AHCTF1: variants seen among roughly 807,000 people sequenced by gnomAD.
AHCTF1 encodes the protein protein ELYS.
AHCTF1 carries 24 observed loss-of-function variants against 248.4 expected under a neutral mutation model. The observed-to-expected ratio is 0.10, with a 90% confidence interval of 0.07 to 0.14. AHCTF1 has a LOEUF of 0.14. Among genes scored for constraint, AHCTF1 ranks in the 10% least tolerant of loss-of-function variants. The pLI, the probability that AHCTF1 is intolerant of heterozygous loss-of-function variation, is 1.00. For missense variants in AHCTF1, 2,206 were observed against 2,636.2 expected, an observed-to-expected ratio of 0.84 and a Z score of 3.57; for synonymous variants, 786 against 929.8, an observed-to-expected ratio of 0.85 and a Z score of 2.81.
At chr1:246,900,992 GAAGA>G (rs548594824) in intron 8 of AHCTF1, among the ~76,000 whole-genome samples, 2 of 152,118 alleles carry the variant, frequency 1.3e-5, no homozygotes, top group Non-Finnish European at 2.9e-5. Context: ...AACAGGAGAA[GAAGA>G]AAGTAAAAAT....
intron 4 of AHCTF1, among the ~76,000 whole-genome samples, chr1:246,909,705 G>GA (rs1195341715): frequency 1.3e-5 from 2 of 152,124 alleles, no homozygotes; most frequent in African/African-American, 4.8e-5. Flanking sequence ...ATTTAATAAG[G>GA]AAAAATCATA....
chr1:246,878,395 T>TC (rs1663137836), intron 21 of AHCTF1, among the ~76,000 whole-genome samples: 3 of 10,478 alleles, frequency 2.9e-4, no homozygotes, highest in Non-Finnish European at 4.7e-4. Flanking sequence ...AGATTCTGTC[T>TC]CAAAAAAAAA....
chr1:246,840,958 C>T lies in AHCTF1; in HGVS notation c.6649G>A (p.Glu2217Lys). 6.2e-7 allele frequency: 1 copy of T among 1,611,548 alleles called. No homozygotes were observed. Among genetic ancestry groups the T allele is most frequent in the Middle Eastern group, 1.7e-4 (1 of 6,056 alleles). Residue 2217 changes from glutamate to lysine, a missense_variant, in exon 36 of 36, where the codon GAA becomes AAA. By Grantham distance (56) the Glu-to-Lys change is moderately conservative. Coordinates refer to ENST00000648844, the MANE Select transcript of AHCTF1 (RefSeq NM_001323342.2). ...KESAWSPPPIEIRLISPLASP... is the reference protein window; with the variant it reads ...KESAWSPPPIKIRLISPLASP... ...GCCAAGGGGGAAATCAGCCGAATTTCTATGGGAGGAGGTGACCAAGCACTT... is the reference window on the plus strand; with the variant it reads ...GCCAAGGGGGAAATCAGCCGAATTTTTATGGGAGGAGGTGACCAAGCACTT...
chr1:246,891,809 C>G lies in AHCTF1; in HGVS notation c.1915G>C (p.Ala639Pro). 6.2e-7 allele frequency: 1 copy of G among 1,611,766 alleles called. No individual in the cohort carries two copies. The highest frequency in any genetic ancestry group is 8.5e-7 in the Non-Finnish European group (1 of 1,179,338). ...TCAGTGATCTCTCGGGCTTCTGATG[C>G]AAAACAGCTCAAGACTATATTAAGA... ...SNLNIVLSCFASEAREITERG... is the reference protein window; with the variant it reads ...SNLNIVLSCFPSEAREITERG... Residue 639 changes from alanine (A) to proline (P), a missense_variant, in exon 15 of 36, where the codon GCA (alanine) becomes CCA (proline). Physicochemically the swap from Ala to Pro is conservative, Grantham distance 27 (BLOSUM62 -1). Transcript: ENST00000648844.
chr1:246,912,826 A>T (rs750941605), intron 4 of AHCTF1, among the ~76,000 whole-genome samples: 1 of 152,186 alleles, frequency 6.6e-6, no homozygotes, highest in South Asian at 2.1e-4. Flanking sequence ...CATAAACAAT[A>T]TGCCAAGAAC....
Position 246,891,789 on chromosome 1 carries a change from G to C in AHCTF1, c.1935C>G (p.Ile645Met), listed in dbSNP as rs1239551722. 1.2e-5 allele frequency: 20 copies of C among 1,610,284 alleles called. No individual in the cohort carries two copies. Among genetic ancestry groups the C allele is most frequent in the Non-Finnish European group, 1.6e-5 (19 of 1,179,078 alleles). ...LSCFASEARE[I>M]TERGLIDLSN... ...AAACAAAGAGCGTACCTCTCTCAGT[G>C]ATCTCTCGGGCTTCTGATGCAAAAC... is the stretch of plus-strand genomic sequence containing the variant. Residue 645 changes from isoleucine (I) to methionine (M), a missense_variant, in exon 15 of 36, where the codon ATC (isoleucine) becomes ATG (methionine). Physicochemically the swap from Ile to Met is conservative, Grantham distance 10 (BLOSUM62 1). Coordinates refer to ENST00000648844, the MANE Select transcript of AHCTF1 (RefSeq NM_001323342.2).
At chr1:246,861,660 C>A (rs1460486111) in intron 28 of AHCTF1, among the ~76,000 whole-genome samples, 2 of 152,100 alleles carry the variant, frequency 1.3e-5, no homozygotes, top group East Asian at 1.9e-4. Flanking sequence ...AAAAGAAGGA[C>A]TAAAAATTAG....
chr1:246,866,603 C>G (rs1661998909), intron 26 of AHCTF1, among the ~76,000 whole-genome samples: 1 of 151,876 alleles, frequency 6.6e-6, no homozygotes, highest in South Asian at 2.1e-4. Flanking sequence ...TATTTATAAT[C>G]ATTATAAATA....
intron 24 of AHCTF1, among the ~76,000 whole-genome samples, chr1:246,872,191 C>A (rs1216448807): frequency 6.6e-6 from 1 of 151,906 alleles, no homozygotes; most frequent in African/African-American, 2.4e-5. Context: ...GATACCTGAT[C>A]TAAAAGATAA....
chr1:246,889,474 AC>A (rs1664063323), intron 17 of AHCTF1, among the ~76,000 whole-genome samples: 1 of 152,230 alleles, frequency 6.6e-6, no homozygotes, highest in Non-Finnish European at 1.5e-5. Flanking sequence ...TTAGGAAATA[AC>A]AGATCTAGAA....
Position 246,898,215 on chromosome 1 carries a change from A to G in AHCTF1, c.1616T>C (p.Leu539Ser). Residue 539 changes from leucine (L) to serine (S), a missense_variant, in exon 12 of 36, where the codon TTA (leucine) becomes TCA (serine). Leu to Ser is a moderately radical substitution (Grantham distance 145). Transcript: ENST00000648844. ...AGTTAAAAATCATCTCACTTGGCTTAAACTGGAAGGCTGAACATCAACAAA... is the reference window on the plus strand; with the variant it reads ...AGTTAAAAATCATCTCACTTGGCTTGAACTGGAAGGCTGAACATCAACAAA... Reference protein sequence around the residue: ...PRFVDVQPSSLSQEEQLEAIL... With the variant: ...PRFVDVQPSSSSQEEQLEAIL... The G allele has an allele frequency of 2.5e-6, 4 of 1,612,168 alleles. No homozygotes were observed. The highest frequency in any genetic ancestry group is 3.4e-6 in the Non-Finnish European group (4 of 1,179,948).
chr1:246,876,276 A>C (rs1367915129), intron 23 of AHCTF1, 89 bp from the exon 24 acceptor site: 2 of 1,188,236 alleles, frequency 1.7e-6, no homozygotes, highest in Non-Finnish European at 1.1e-6. Flanking sequence ...AAAACTATGA[A>C]TATCCAAAAA....
intron 29 of AHCTF1, 52 bp from the exon 30 acceptor site, chr1:246,857,866 C>T (rs758136091): frequency 7.9e-6 from 12 of 1,515,132 alleles, no homozygotes; most frequent in South Asian, 2.4e-5. Flanking sequence ...TTAGTGATTA[C>T]TGATAGTCTT....
At chr1:246,889,750 ACTTT>A (rs1357371940) in intron 17 of AHCTF1, among the ~76,000 whole-genome samples, 1 of 152,150 alleles carries the variant, frequency 6.6e-6, no homozygotes, top group African/African-American at 2.4e-5. Context: ...TCTCAACACC[ACTTT>A]CTTTGTCTAT....
At chr1:246,865,662 G>C (rs1661920202) in intron 26 of AHCTF1, among the ~76,000 whole-genome samples, 1 of 152,168 alleles carries the variant, frequency 6.6e-6, no homozygotes, top group Non-Finnish European at 1.5e-5. Flanking sequence ...ACCTATTTAT[G>C]AATGAATGCT....
chr1:246,927,161 G>A (rs1472056848), intron 1 of AHCTF1, among the ~76,000 whole-genome samples: 2 of 150,632 alleles, frequency 1.3e-5, no homozygotes, highest in Non-Finnish European at 3.0e-5. Flanking sequence ...CTGGGCGACA[G>A]AGCGAGACTC....
intron 35 of AHCTF1, among the ~76,000 whole-genome samples, chr1:246,841,343 C>T (rs952811112): frequency 3.9e-5 from 6 of 152,296 alleles, no homozygotes; most frequent in South Asian, 4.1e-4. Flanking sequence ...ATGACAGCCC[C>T]GCAGGCCCAT....
At chr1:246,912,310 A>G (rs770232662) in intron 4 of AHCTF1, among the ~76,000 whole-genome samples, 1 of 151,070 alleles carries the variant, frequency 6.6e-6, no homozygotes, top group Middle Eastern at 3.2e-3. Flanking sequence ...CCCCATCTCT[A>G]CTAAAAAAAA....
chr1:246,913,508 T>C (rs1232863409), intron 3 of AHCTF1, 96 bp from the exon 4 acceptor site: 15 of 1,219,960 alleles, frequency 1.2e-5, no homozygotes, highest in East Asian at 7.6e-5. Flanking sequence ...TCAGTTATAA[T>C]AGATTTAAGA....
Sources: allele counts gnomAD v4.1 joint callset (sites outside exome capture counted in the v4.1 genomes callset), GRCh38; gene constraint gnomAD v4.1.1; transcripts MANE v1.5; gene names NCBI Gene and HGNC (gene_info 2026-07-23, HGNC 2026-07-21).